The following MAGI2 variants were observed in gnomAD, a reference collection of about 807,000 sequenced individuals.
MAGI2 encodes the protein membrane-associated guanylate kinase, WW and PDZ domain-containing protein 2.
A neutral mutation model predicts 133.3 loss-of-function variants in MAGI2; 35 were observed. The ratio of observed to expected loss-of-function variants is 0.26; its 90% CI spans 0.20 to 0.35. The LOEUF (loss-of-function observed/expected upper bound fraction) is 0.35, where lower values mean the gene tolerates loss of function less well. Ranked by LOEUF, MAGI2 falls within the 10% of genes least tolerant of loss-of-function variation. MAGI2 has a pLI of 1.00. For missense variants in MAGI2, 1,636 were observed against 1,863.4 expected, an observed-to-expected ratio of 0.88 and a Z score of 2.25; for synonymous variants, 729 against 710.6, an observed-to-expected ratio of 1.03 and a Z score of -0.41.
intron 2 of MAGI2, among the ~76,000 whole-genome samples, chr7:78,657,086 T>C (rs953779511): frequency 6.6e-6 from 1 of 151,362 alleles, no homozygotes; most frequent in African/African-American, 2.4e-5. Flanking sequence ...TGATGATCCA[T>C]ATCATATGTC....
rs114178024 is a variant in MAGI2, at chr7:78,072,837, T to A, written c.3706+6110A>T. 4.2e-3 allele frequency: 1,679 copies of A among 398,184 alleles called. 17 individuals are homozygous for A. Among genetic ancestry groups the A allele is most frequent in the African/African-American group, 0.031 (1,531 of 48,732 alleles). 24.7% of individuals were successfully genotyped at this position (398,184 alleles called of 1,614,324 possible). A position where few individuals can be genotyped will look rare whatever the true frequency, so the allele number is the denominator to read the frequency against. ...AGTATGCCACCACGCTTGGCTAATT[T>A]TTTTGTAGAGACAAGGTCTCCCTAT... On this transcript the variant is annotated intron_variant, in intron 21 of 21. Coordinates refer to ENST00000354212, the MANE Select transcript of MAGI2 (RefSeq NM_012301.4).
rs943636321 is a variant in MAGI2 at position 79,310,947 on chromosome 7, T to C, written c.301+142073A>G. On this transcript the variant is annotated intron_variant, in intron 1 of 21. Transcript: ENST00000354212. ...TCTCTCACTTTAAAACACACACACA[T>C]GCACACACACACACACACACCCCTC... Among the ~76,000 whole-genome samples, 6 of 91,080 alleles carry C rather than the reference T, an allele frequency of 6.6e-5. No individual in the cohort carries two copies. In the South Asian group the frequency reaches 1.3e-3, roughly 20 times the overall value. The allele number at this position is 91,080 out of a possible 152,430, so 59.8% of individuals were successfully genotyped here. A position where few individuals can be genotyped will look rare whatever the true frequency, so the allele number is the denominator to read the frequency against.
At chr7:78,827,429 C>A (rs1435164990) in intron 2 of MAGI2, among the ~76,000 whole-genome samples, 1 of 147,272 alleles carries the variant, frequency 6.8e-6, no homozygotes, top group Admixed American at 7.0e-5. Flanking sequence ...CAGGTGCACA[C>A]CACCATTCCA....
intron 1 of MAGI2, among the ~76,000 whole-genome samples, chr7:79,335,550 A>G (rs1354325767): frequency 6.6e-6 from 1 of 152,126 alleles, no homozygotes; most frequent in Non-Finnish European, 1.5e-5. Context: ...TATCAGAAAA[A>G]TGGTAAATAT....
In MAGI2 at chr7:78,041,457, C is replaced by T. The variant is rs139797014; in HGVS notation, c.3707-21481G>A. Among the ~76,000 whole-genome samples the T allele has an allele frequency of 3.9e-4, 59 of 152,298 alleles. No individual in the cohort carries two copies. The East Asian group carries it at 9.1e-3, about 23-fold the overall frequency. ...CTGGGAGCCCAAGGTGGGAGGATCT[C>T]TTGAGCCCAGGAGTTTGAGACCACC... On this transcript the variant is annotated intron_variant, in intron 21 of 21. Transcript: ENST00000354212.
At chr7:79,350,216 T>C (rs570628987) in intron 1 of MAGI2, among the ~76,000 whole-genome samples, 1 of 152,148 alleles carries the variant, frequency 6.6e-6, no homozygotes, top group African/African-American at 2.4e-5. Context: ...GTGTACCCAG[T>C]GCTCCAAAGC....
At chr7:78,740,296 A>T (rs974669838) in intron 2 of MAGI2, among the ~76,000 whole-genome samples, 11 of 152,092 alleles carry the variant, frequency 7.2e-5, no homozygotes, top group Non-Finnish European at 1.6e-4. Flanking sequence ...GTTAAAATTG[A>T]TGTTTTCTTG....
At chr7:78,445,169 TG>T (rs1261509489) in intron 6 of MAGI2, among the ~76,000 whole-genome samples, 1 of 151,948 alleles carries the variant, frequency 6.6e-6, no homozygotes, top group African/African-American at 2.4e-5. Flanking sequence ...TCACGTCTAG[TG>T]AATAATCTAG....
intron 2 of MAGI2, among the ~76,000 whole-genome samples, chr7:78,880,478 G>A (rs1795762386): frequency 6.6e-6 from 1 of 152,128 alleles, no homozygotes. Context: ...CCCAAACTAA[G>A]CTTTGTAAGT....
intron 2 of MAGI2, among the ~76,000 whole-genome samples, chr7:78,739,825 G>C (rs1051692578): frequency 3.3e-5 from 5 of 152,094 alleles, no homozygotes; most frequent in Non-Finnish European, 4.4e-5. Flanking sequence ...CTTCACGTCG[G>C]TAAGCAGAGT....
At chr7:79,086,487 T>A (rs1255376742) in intron 1 of MAGI2, among the ~76,000 whole-genome samples, 6 of 151,964 alleles carry the variant, frequency 3.9e-5, no homozygotes, top group African/African-American at 9.7e-5. Flanking sequence ...CTCTCTGGAA[T>A]TCAGCCATGT....
chr7:78,816,195 ACT>A (rs2151419469), intron 2 of MAGI2, among the ~76,000 whole-genome samples: 1 of 152,296 alleles, frequency 6.6e-6, no homozygotes, highest in Admixed American at 6.5e-5. Flanking sequence ...CCAGAGCAAA[ACT>A]CTAACTCTCT....
At chr7:78,547,364 C>T (rs1442898248) in intron 3 of MAGI2, among the ~76,000 whole-genome samples, 2 of 152,228 alleles carry the variant, frequency 1.3e-5, no homozygotes, top group African/African-American at 4.8e-5. Flanking sequence ...AAAGGACCTC[C>T]TATCACCATG....
chr7:78,307,062 G>A (rs370870800), intron 9 of MAGI2, among the ~76,000 whole-genome samples: 12 of 152,166 alleles, frequency 7.9e-5, no homozygotes, highest in East Asian at 7.7e-4. Context: ...ATTAGTCAAC[G>A]TAAGTTGAAC....
At chr7:78,322,169 T>C (rs995243075) in intron 9 of MAGI2, among the ~76,000 whole-genome samples, 1 of 152,160 alleles carries the variant, frequency 6.6e-6, no homozygotes, top group Admixed American at 6.5e-5. Context: ...GGTAGGAGTG[T>C]AAATTAGTTC....
chr7:79,425,133 C>G (rs896565012), intron 1 of MAGI2, among the ~76,000 whole-genome samples: 1 of 151,838 alleles, frequency 6.6e-6, no homozygotes, highest in Non-Finnish European at 1.5e-5. Context: ...TGTCTGTAAT[C>G]CCAGCTGCTT....
intron 1 of MAGI2, among the ~76,000 whole-genome samples, chr7:79,297,574 G>A (rs183020346): frequency 1.3e-3 from 202 of 152,224 alleles, no homozygotes; most frequent in Non-Finnish European, 2.2e-3. Flanking sequence ...TACTCTTCTA[G>A]TTGATGGGAA....
intron 1 of MAGI2, among the ~76,000 whole-genome samples, chr7:79,302,915 T>G (rs931298012): frequency 6.6e-6 from 1 of 152,234 alleles, no homozygotes; most frequent in African/African-American, 2.4e-5. Context: ...ACACACTTGA[T>G]AAAGATATTA....
intron 2 of MAGI2, among the ~76,000 whole-genome samples, chr7:78,801,362 G>A (rs145528662): frequency 1.3e-5 from 2 of 152,258 alleles, no homozygotes; most frequent in East Asian, 3.9e-4. Flanking sequence ...GAATGATCTG[G>A]GAGAGCTTCA....
Sources: gnomAD v4.1 joint callset for allele counts (sites outside exome capture counted in the v4.1 genomes callset) on GRCh38, gnomAD v4.1.1 for gene constraint, MANE v1.5 for transcripts, NCBI Gene and HGNC (gene_info 2026-07-23, HGNC 2026-07-21) for gene names.